Variants in DPP10 observed in about 807,000 individuals in gnomAD.
DPP10 encodes the protein dipeptidyl peptidase like 10, also known as inactive dipeptidyl peptidase 10.
Under a neutral mutation model 120.9 loss-of-function variants are expected in DPP10, and 33 were observed. That is an observed-to-expected ratio of 0.27 (90% CI 0.21 to 0.37). The LOEUF is 0.37. Ranked by LOEUF, DPP10 falls within the 10% of genes least tolerant of loss-of-function variation. DPP10 has a pLI of 1.00. For synonymous variants in DPP10, 337 were observed against 326.1 expected (o/e 1.03, Z -0.36); for missense variants, 816 against 942.8 (o/e 0.87, Z 1.76).
At chr2:115,493,492 T>A (rs943971326) in intron 3 of DPP10, among the ~76,000 whole-genome samples, 2 of 147,392 alleles carry the variant, frequency 1.4e-5, no homozygotes, top group African/African-American at 2.5e-5. Context: ...GTGTGAGTAG[T>A]AAAATAGTCA....
At chr2:114,847,456 A>G (rs1274303802) in intron 1 of DPP10, among the ~76,000 whole-genome samples, 3 of 152,086 alleles carry the variant, frequency 2.0e-5, no homozygotes, top group Non-Finnish European at 2.9e-5. Flanking sequence ...TAATTTGTAA[A>G]TTTCTTGAAA....
At chr2:115,569,406 T>C (rs1214104138) in intron 5 of DPP10, among the ~76,000 whole-genome samples, 1 of 152,228 alleles carries the variant, frequency 6.6e-6, no homozygotes, top group Non-Finnish European at 1.5e-5. Flanking sequence ...AGTTCATATA[T>C]TAAGTAATTA....
intron 1 of DPP10, among the ~76,000 whole-genome samples, chr2:115,054,419 C>T (rs1705735876): frequency 6.6e-6 from 1 of 152,014 alleles, no homozygotes; most frequent in Admixed American, 6.6e-5. Flanking sequence ...TACATAAGCC[C>T]ATTGCAAAAT....
chr2:115,103,062 T>C (rs927472860), intron 1 of DPP10, among the ~76,000 whole-genome samples: 1 of 152,102 alleles, frequency 6.6e-6, no homozygotes, highest in Non-Finnish European at 1.5e-5. Context: ...ATAGCTGCTA[T>C]AAAAAATGAA....
chr2:115,465,959 C>A (rs1390034549), intron 3 of DPP10, among the ~76,000 whole-genome samples: 1 of 152,036 alleles, frequency 6.6e-6, no homozygotes, highest in African/African-American at 2.4e-5. Flanking sequence ...TAATAATTTG[C>A]CTTTTTAAAA....
At chr2:115,763,806 A>G (rs1231028504) in intron 12 of DPP10, among the ~76,000 whole-genome samples, 2 of 152,270 alleles carry the variant, frequency 1.3e-5, no homozygotes, top group African/African-American at 4.8e-5. Context: ...TGTCCTTCAG[A>G]TAAAGACCAA....
chr2:114,490,619 GA>G (rs1681910844), intron 1 of DPP10, among the ~76,000 whole-genome samples: 1 of 152,168 alleles, frequency 6.6e-6, no homozygotes, highest in Non-Finnish European at 1.5e-5. Context: ...AGAATTGATA[GA>G]ACTTGGCTTA....
chr2:115,219,638 T>A (rs1386972916), intron 1 of DPP10, among the ~76,000 whole-genome samples: 2 of 152,192 alleles, frequency 1.3e-5, no homozygotes, highest in African/African-American at 4.8e-5. Flanking sequence ...TTTGTATTTC[T>A]TGGTATATTA....
At chr2:114,874,077 C>T (rs1186042774) in intron 1 of DPP10, among the ~76,000 whole-genome samples, 1 of 152,132 alleles carries the variant, frequency 6.6e-6, no homozygotes, top group East Asian at 1.9e-4. Flanking sequence ...GGATTTCTGG[C>T]ATGTTTGAAA....
chr2:115,811,778 T>G (rs955738361), intron 19 of DPP10, among the ~76,000 whole-genome samples: 7 of 152,144 alleles, frequency 4.6e-5, no homozygotes, highest in Admixed American at 3.9e-4. Flanking sequence ...ATTTCATTGG[T>G]CCATCTAGAA....
intron 19 of DPP10, among the ~76,000 whole-genome samples, chr2:115,796,171 C>T (rs1684507515): frequency 6.6e-6 from 1 of 152,080 alleles, no homozygotes; most frequent in Admixed American, 6.6e-5. Flanking sequence ...CTGGGGAACA[C>T]CACCACTTCA....
Position 114,889,282 on chromosome 2 carries a change from C to T in DPP10, c.61-419957C>T, listed in dbSNP as rs927640427. Among the ~76,000 whole-genome samples, 4 of 152,172 alleles carry T rather than the reference C, an allele frequency of 2.6e-5. No individual in the cohort carries two copies. In the South Asian group the frequency reaches 6.2e-4, roughly 24 times the overall value. On this transcript the variant is annotated intron_variant, in intron 1 of 25. Transcript: ENST00000410059. The stretch of plus-strand genomic sequence containing the variant: ...ATCCGTGTTCACACTGTCTCCAGCA[C>T]TGGATGTAGGAAAATCTCTTTTATT...
intron 1 of DPP10, among the ~76,000 whole-genome samples, chr2:115,067,026 C>T (rs1306495505): frequency 6.6e-6 from 1 of 151,614 alleles, no homozygotes; most frequent in Non-Finnish European, 1.5e-5. Flanking sequence ...TTCTGCATAA[C>T]TGCAACTTTA....
chr2:115,818,096 C>T (rs927163760), intron 21 of DPP10, among the ~76,000 whole-genome samples: 49 of 152,050 alleles, frequency 3.2e-4, no homozygotes, highest in Admixed American at 1.6e-3. Flanking sequence ...AGAGCAAGAG[C>T]AGTAAAGGAA....
intron 1 of DPP10, among the ~76,000 whole-genome samples, chr2:115,189,325 G>A (rs941787020): frequency 6.6e-6 from 1 of 152,126 alleles, no homozygotes; most frequent in African/African-American, 2.4e-5. Flanking sequence ...TGGCAGGAAG[G>A]ATGGTTACAG....
chr2:114,494,617 C>A (rs139316752), intron 1 of DPP10, among the ~76,000 whole-genome samples: 1 of 152,096 alleles, frequency 6.6e-6, no homozygotes, highest in Non-Finnish European at 1.5e-5. Context: ...TCCGGTCATA[C>A]CTACATTGTG....
rs200735196 is a variant in DPP10, at chr2:114,894,988, CAGTT to C, written c.61-414248_61-414245del. ...ATTGTTTTTCTTACCAGAAATATGA[CAGTT>C]AGGCAAACTACTTAAACTCTGTGTT... On this transcript the variant is annotated intron_variant, in intron 1 of 25. Transcript: ENST00000410059. Among the ~76,000 whole-genome samples the C allele has an allele frequency of 7.1e-3, 1,086 of 152,212 alleles. 7 individuals carry two copies. The highest frequency in any genetic ancestry group is 0.024 in the African/African-American group (1,011 of 41,524).
chr2:114,490,256 T>A (rs961598154), intron 1 of DPP10, among the ~76,000 whole-genome samples: 3 of 152,178 alleles, frequency 2.0e-5, no homozygotes, highest in African/African-American at 7.2e-5. Context: ...CCTCTTCACA[T>A]GTCTTTTGCA....
chr2:114,511,129 A>T (rs1021815770), intron 1 of DPP10, among the ~76,000 whole-genome samples: 1 of 152,234 alleles, frequency 6.6e-6, no homozygotes, highest in Admixed American at 6.5e-5. Flanking sequence ...GTATGTATAG[A>T]TATCAACATA....
Sources: gnomAD v4.1 joint callset for allele counts (sites outside exome capture counted in the v4.1 genomes callset) on GRCh38, gnomAD v4.1.1 for gene constraint, MANE v1.5 for transcripts, NCBI Gene and HGNC (gene_info 2026-07-23, HGNC 2026-07-21) for gene names.